PGLYRP2: variants seen among roughly 807,000 people sequenced by gnomAD.
PGLYRP2 encodes N-acetylmuramoyl-L-alanine amidase.
PGLYRP2 carries 38 observed loss-of-function variants against 46.2 expected under a neutral mutation model. The observed-to-expected ratio is 0.82, with a 90% CI of 0.64 to 1.08. PGLYRP2 has a LOEUF of 1.08. PGLYRP2 is among the 50% of genes least tolerant of loss of function. The probability of loss-of-function intolerance (pLI) is 0.00; values close to 1 mark genes in which losing one functional copy is unlikely to be tolerated. For missense variants in PGLYRP2, 713 were observed against 755.9 expected, an observed-to-expected ratio of 0.94 and a Z score of 0.67; for synonymous variants, 289 against 329.4, an observed-to-expected ratio of 0.88 and a Z score of 1.33.
intron 2 of PGLYRP2, among the ~76,000 whole-genome samples, chr19:15,473,242 G>C (rs988883178): frequency 6.6e-6 from 1 of 151,912 alleles, no homozygotes; most frequent in Admixed American, 6.6e-5. Flanking sequence ...GGCTGAGGTG[G>C]GTGGATCACC....
At chr19:15,479,259 G>A (rs548711123) in intron 1 of PGLYRP2, 52 bp downstream of exon 1, 16 of 1,581,038 alleles carry the variant, frequency 1.0e-5, no homozygotes, top group Non-Finnish European at 1.2e-5. Flanking sequence ...ACAGCAGTAC[G>A]CCTTCTGCAG....
At chr19:15,476,650 C>T (rs1461478401) in intron 1 of PGLYRP2, 42 bp from the exon 2 acceptor site, 1 of 1,469,768 alleles carries the variant, frequency 6.8e-7, no homozygotes, top group Admixed American at 2.2e-5. Context: ...CCACCCATTC[C>T]TGAGCCTCCT....
chr19:15,475,574 C>T lies in PGLYRP2; in HGVS notation c.1096G>A (p.Ala366Thr), dbSNP rs35662083. Residue 366 changes from alanine to threonine, a missense_variant, in exon 2 of 5, where the codon GCC becomes ACC. Coordinates refer to ENST00000340880, the MANE Select transcript of PGLYRP2 (RefSeq NM_052890.4). ...TCAGTGAATTCCTTGGTAGCATTGG[C>T]AGCCACCTGGGCCAGCTGTTCTTGG... ...MSQEQLAQVA[A>T]NATKEFTEAF... The T allele has an allele frequency of 1.1e-3, 1,737 of 1,609,642 alleles. 2 individuals carry two copies. The highest frequency in any genetic ancestry group is 1.4e-3 in the Non-Finnish European group (1,600 of 1,177,140).
rs1262424572 is a variant in PGLYRP2, at chr19:15,469,547, T to C, written c.1641+85A>G. On this transcript the variant is annotated intron_variant, in intron 4 of 4. Coordinates refer to ENST00000340880, the MANE Select transcript of PGLYRP2 (RefSeq NM_052890.4). This position sits in a 1 kb window ranked among gnomAD's most constrained non-coding sequence, Gnocchi z 4.9. ...CTGGCTGAGGCTGTGCGGGCACAGCTGTTACAGGCAGGGGGCAGGGGCCTC... is the reference window on the plus strand; with the variant it reads ...CTGGCTGAGGCTGTGCGGGCACAGCCGTTACAGGCAGGGGGCAGGGGCCTC... 6.6e-7 allele frequency: 1 copy of C among 1,514,094 alleles called. No homozygotes were observed. Among genetic ancestry groups the C allele is most frequent in the Non-Finnish European group, 8.9e-7 (1 of 1,125,194 alleles). 93.8% of individuals were successfully genotyped at this position (1,514,094 alleles called of 1,614,324 possible). A position where few individuals can be genotyped will look rare whatever the true frequency, so the allele number is the denominator to read the frequency against.
intron 3 of PGLYRP2, among the ~76,000 whole-genome samples, chr19:15,470,273 C>CTTCT (rs1268961366): frequency 3.1e-5 from 4 of 127,540 alleles, no homozygotes; most frequent in African/African-American, 1.3e-4. Flanking sequence ...TCCTTCCTTC[C>CTTCT]TTCCTTCCTT....
Position 15,469,792 on chromosome 19 carries a change from G to C in PGLYRP2, c.1481C>G (p.Ala494Gly), listed in dbSNP as rs748388249. 5 of 1,513,342 alleles carry C rather than the reference G, an allele frequency of 3.3e-6. No individual in the cohort carries two copies. Among genetic ancestry groups the C allele is most frequent in the Non-Finnish European group, 4.4e-6 (5 of 1,139,746 alleles). The allele number at this position is 1,513,342 out of a possible 1,614,324, so 93.7% of individuals were successfully genotyped here. ...GNYTAALPTE[A>G]ALRTVRDTLP... ...CGTGTCGCGCACCGTGCGCAGAGCGGCCTCGGTGGGCAGCGCCGCGGTGTA... is the reference window on the plus strand; with the variant it reads ...CGTGTCGCGCACCGTGCGCAGAGCGCCCTCGGTGGGCAGCGCCGCGGTGTA... The change falls in exon 4 of 5, where the codon GCC becomes GGC. Residue 494 changes from alanine (A) to glycine (G), a missense_variant. Physicochemically the swap from Ala to Gly is moderately conservative, Grantham distance 60 (BLOSUM62 0). Transcript: ENST00000340880. The surrounding 1 kb of genome is among the most constrained non-coding windows in gnomAD (Gnocchi z 4.9).
chr19:15,469,306 T>C lies in PGLYRP2; in HGVS notation c.1641+326A>G. 1.6e-6 allele frequency: 1 copy of C among 622,856 alleles called. No individual in the cohort carries two copies. The highest frequency in any genetic ancestry group is 2.6e-5 in the Admixed American group (1 of 39,128). The allele number at this position is 622,856 out of a possible 1,614,324, so 38.6% of individuals were successfully genotyped here. Reference sequence around the variant, plus strand: ...AGTCATGAAGGCCAGGCTGAGGTTGTGAGGGCAGAGGGGCTGTTGGCAGGT... The same window carrying C: ...AGTCATGAAGGCCAGGCTGAGGTTGCGAGGGCAGAGGGGCTGTTGGCAGGT... On this transcript the variant is annotated intron_variant, in intron 4 of 4. Transcript: ENST00000340880. This position sits in a 1 kb window ranked among gnomAD's most constrained non-coding sequence, Gnocchi z 4.9.
At chr19:15,470,064 C>G (rs1385839170) in intron 3 of PGLYRP2, 135 bp from the exon 4 acceptor site, 2 of 912,614 alleles carry the variant, frequency 2.2e-6, no homozygotes, top group Non-Finnish European at 3.0e-6. Context: ...TGCCTGTGTC[C>G]CATCCAGCTC....
chr19:15,470,055 G>A (rs1192184641), intron 3 of PGLYRP2, 126 bp from the exon 4 acceptor site: 6 of 1,005,470 alleles, frequency 6.0e-6, no homozygotes, highest in Non-Finnish European at 7.9e-6. Flanking sequence ...CGGTCGCGCT[G>A]CCTGTGTCCC....
chr19:15,478,940 C>T (rs1044282783), intron 1 of PGLYRP2, among the ~76,000 whole-genome samples: 25 of 152,188 alleles, frequency 1.6e-4, no homozygotes, highest in African/African-American at 5.8e-4. Flanking sequence ...AAGTCTTACT[C>T]GACACACTCT....
rs769583445 is a variant in PGLYRP2, at chr19:15,473,818, A to AAAAG, written c.1132+1716_1132+1719dup. Among the ~76,000 whole-genome samples the AAAAG allele has an allele frequency of 2.0e-3, 298 of 151,712 alleles. 1 individual carries two copies. The highest frequency in any genetic ancestry group is 2.8e-3 in the Non-Finnish European group (187 of 67,924). On this transcript the variant is annotated intron_variant, in intron 2 of 4. Transcript: ENST00000340880. ...AAGGAACTCAAACAATTCAAGAAAG[A>AAAAG]AAAGAAAGAAAGAAAGAAAGAAAAA...
In PGLYRP2 at chr19:15,475,887, C is replaced by T. The variant is rs767299609; in HGVS notation, c.783G>A (p.Leu261=). ...TGGTTAACAGAGATGCCTTGGGGTCCAAAAGCGTAAAGGTCCGAGGGGCAG... is the reference window on the plus strand; with the variant it reads ...TGGTTAACAGAGATGCCTTGGGGTCTAAAAGCGTAAAGGTCCGAGGGGCAG... ...QLSAPRTFTL[L]DPKASLLTMA... Residue 261 remains leucine (L), a synonymous_variant, in exon 2 of 5, where the codon TTG becomes TTA. Coordinates refer to ENST00000340880, the MANE Select transcript of PGLYRP2 (RefSeq NM_052890.4). 18 of 1,613,954 alleles carry T rather than the reference C, an allele frequency of 1.1e-5. No individual in the cohort carries two copies. In the African/African-American group the frequency reaches 2.3e-4, roughly 20 times the overall value.
intron 2 of PGLYRP2, 40 bp from the exon 3 acceptor site, chr19:15,472,140 T>G: frequency 6.6e-7 from 1 of 1,526,182 alleles, no homozygotes. Context: ...CAGGAACTGT[T>G]TCTCTGCCTG....
chr19:15,478,405 A>G (rs1970816917), intron 1 of PGLYRP2, among the ~76,000 whole-genome samples: 1 of 152,198 alleles, frequency 6.6e-6, no homozygotes, highest in Non-Finnish European at 1.5e-5. Context: ...TGGGAAGTCC[A>G]AGATCAAAGC....
rs112653439 is a variant in PGLYRP2, at chr19:15,469,513, G to T, written c.1641+119C>A. ...TCCTGAATAGACGTGCCGCCGGGAA[G>T]TTGGGGGCCTGGCTGAGGCTGTGCG... is the stretch of plus-strand genomic sequence containing the variant. On this transcript the variant is annotated intron_variant, in intron 4 of 4. Coordinates refer to ENST00000340880, the MANE Select transcript of PGLYRP2 (RefSeq NM_052890.4). This position sits in a 1 kb window ranked among gnomAD's most constrained non-coding sequence, Gnocchi z 4.9. The T allele has an allele frequency of 1.4e-6, 2 of 1,392,028 alleles. No individual in the cohort carries two copies. The highest frequency in any genetic ancestry group is 1.2e-5 in the South Asian group (1 of 81,262). The allele number at this position is 1,392,028 out of a possible 1,614,324, so 86.2% of individuals were successfully genotyped here.
intron 3 of PGLYRP2, among the ~76,000 whole-genome samples, chr19:15,470,232 T>G (rs75856399): frequency 0.086 from 4,772 of 55,532 alleles, 274 homozygotes; most frequent in African/African-American, 0.28. Context: ...TGTTTTTGGG[T>G]TTTTTTTCTT....
In PGLYRP2 at chr19:15,475,896, AAAGGTCCGAGGGGCAGAGAGCTG is replaced by A; in HGVS notation, c.751_773del (p.Gln251TyrfsTer33). ...GAGATGCCTTGGGGTCCAAAAGCGT[AAAGGTCCGAGGGGCAGAGAGCTG>A]GTCCCAGCAGCCCTCAGTTCCCAGG... On this transcript the variant is annotated frameshift_variant, in exon 2 of 5. Transcript: ENST00000340880. LOFTEE classifies it high-confidence loss of function. 1 of 1,614,124 alleles carries A rather than the reference AAAGGTCCGAGGGGCAGAGAGCTG, an allele frequency of 6.2e-7. No homozygotes were observed. The highest frequency in any genetic ancestry group is 1.3e-5 in the African/African-American group (1 of 75,044).
At chr19:15,471,864 C>T (rs1568340741) in intron 3 of PGLYRP2, 26 bp downstream of exon 3, 3 of 1,606,540 alleles carry the variant, frequency 1.9e-6, no homozygotes, top group Non-Finnish European at 2.6e-6. Context: ...TGGGCCCCGC[C>T]CCCTCCCCGG....
rs1178917765 is a variant in PGLYRP2 at position 15,470,238 on chromosome 19, TTCTTTCCTTCC to T, written c.1344-320_1344-310del. On this transcript the variant is annotated intron_variant, in intron 3 of 4. Coordinates refer to ENST00000340880, the MANE Select transcript of PGLYRP2 (RefSeq NM_052890.4). Reference sequence around the variant, plus strand: ...GAGCTTTTCTGTTTTTGGGTTTTTTTTCTTTCCTTCCTTCCTTCCTTCCTTCCTTCCTTCCT... The same window carrying T: ...GAGCTTTTCTGTTTTTGGGTTTTTTTTTCCTTCCTTCCTTCCTTCCTTCCT... 7.4e-3 allele frequency among the ~76,000 whole-genome samples: 965 copies of T among 130,454 alleles called. 25 individuals carry two copies. Among genetic ancestry groups the T allele is most frequent in the Admixed American group, 0.037 (482 of 13,176 alleles). 85.6% of individuals were successfully genotyped at this position (130,454 alleles called of 152,430 possible).
Sources: allele counts gnomAD v4.1 joint callset (sites outside exome capture counted in the v4.1 genomes callset), GRCh38; gene constraint gnomAD v4.1.1; non-coding constraint Gnocchi (gnomAD v3.1); transcripts MANE v1.5; gene names NCBI Gene and HGNC (gene_info 2026-07-23, HGNC 2026-07-21).